The following UNC80 variants were observed in gnomAD, a reference collection of about 807,000 sequenced individuals.
UNC80 encodes protein unc-80 homolog.
UNC80 carries 164 observed loss-of-function variants against 384.6 expected under a neutral mutation model. That is an observed-to-expected ratio of 0.43 (90% CI 0.38 to 0.49). The LOEUF (loss-of-function observed/expected upper bound fraction) is 0.49, where lower values mean the gene tolerates loss of function less well. UNC80 is among the 20% of genes least tolerant of loss of function. The probability of loss-of-function intolerance (pLI) is 0.00; values close to 1 mark genes in which losing one functional copy is unlikely to be tolerated. For missense variants in UNC80, 3,330 were observed against 4,143.0 expected (o/e 0.80, Z 5.39); for synonymous variants, 1,486 against 1,527.8 (o/e 0.97, Z 0.64).
chr2:209,876,478 A>G (rs1199613312), intron 23 of UNC80, among the ~76,000 whole-genome samples: 1 of 152,212 alleles, frequency 6.6e-6, no homozygotes, highest in Middle Eastern at 3.2e-3. Flanking sequence ...TTATTTAGAC[A>G]TATAGTATTA....
In UNC80 at chr2:209,978,627, A is replaced by G; in HGVS notation, c.9037A>G (p.Thr3013Ala). 6.4e-7 allele frequency: 1 copy of G among 1,551,546 alleles called. No homozygotes were observed. The highest frequency in any genetic ancestry group is 8.7e-7 in the Non-Finnish European group (1 of 1,146,876). The change falls in exon 59 of 65, where the codon ACT becomes GCT. Residue 3013 changes from threonine (T) to alanine (A), a missense_variant. Around this residue, in one of 8 missense-constraint regions of UNC80, gnomAD observed 216 missense variants for 245.3 expected, o/e 0.88. Transcript: ENST00000673920. ...GTCCCGCTCTAACACGGGCACGGGC[A>G]CTGTCTGGGAGCAGGACAGTGAGCC... is the stretch of plus-strand genomic sequence containing the variant. ...TMSRSNTGTG[T>A]VWEQDSEPSQ...
In UNC80 at chr2:209,976,254, G is replaced by C; in HGVS notation, c.8723G>C (p.Arg2908Pro). ...TGGGATTTCCTCGACTTCATCGTGCGGACCCGAATACCCATCTTTGTGCTT... is the reference window on the plus strand; with the variant it reads ...TGGGATTTCCTCGACTTCATCGTGCCGACCCGAATACCCATCTTTGTGCTT... ...ALWDFLDFIV[R>P]TRIPIFVLLR... is the part of the protein sequence containing the mutation. Residue 2908 changes from arginine (R) to proline (P), a missense_variant, in exon 57 of 65, where the codon CGG (arginine) becomes CCG (proline). Physicochemically the swap from Arg to Pro is moderately radical, Grantham distance 103. Transcript: ENST00000673920. The surrounding 1 kb of genome is among the most constrained non-coding windows in gnomAD (Gnocchi z 4.3). 6.4e-7 allele frequency: 1 copy of C among 1,551,666 alleles called. No individual in the cohort carries two copies. The highest frequency in any genetic ancestry group is 8.7e-7 in the Non-Finnish European group (1 of 1,146,998).
rs73078959 is a variant in UNC80 at position 209,926,709 on chromosome 2, G to A, written c.5663-134G>A. The A allele has an allele frequency of 8.1e-3, 8,898 of 1,094,376 alleles. 550 individuals carry two copies. The African/African-American group carries it at 0.12, about 15-fold the overall frequency. The allele number at this position is 1,094,376 out of a possible 1,614,324, so 67.8% of individuals were successfully genotyped here. A position where few individuals can be genotyped will look rare whatever the true frequency, so the allele number is the denominator to read the frequency against. Reference sequence around the variant, plus strand: ...GAGGATCTCTTGAGCCCAAGAAGTCGAGGCTGCAGTGAGCAGTGATCATGC... The same window carrying A: ...GAGGATCTCTTGAGCCCAAGAAGTCAAGGCTGCAGTGAGCAGTGATCATGC... On this transcript the variant is annotated intron_variant, in intron 35 of 64. Coordinates refer to ENST00000673920, the MANE Select transcript of UNC80 (RefSeq NM_001371986.1).
intron 47 of UNC80, among the ~76,000 whole-genome samples, chr2:209,946,266 G>T (rs1379726520): frequency 3.3e-5 from 5 of 151,942 alleles, no homozygotes; most frequent in East Asian, 3.9e-4. Flanking sequence ...CTTTTTGGGA[G>T]GCTTGAGGCA....
At chr2:209,913,461 C>G (rs1422943373) in intron 30 of UNC80, among the ~76,000 whole-genome samples, 1 of 152,094 alleles carries the variant, frequency 6.6e-6, no homozygotes, top group Non-Finnish European at 1.5e-5. Context: ...AAACAGGATC[C>G]TTTAAAAATC....
At chr2:209,880,404 G>A (rs922341264) in intron 24 of UNC80, among the ~76,000 whole-genome samples, 1 of 152,192 alleles carries the variant, frequency 6.6e-6, no homozygotes, top group African/African-American at 2.4e-5. Flanking sequence ...CAGTAAGTAT[G>A]TCTTGTCTGT....
intron 36 of UNC80, among the ~76,000 whole-genome samples, chr2:209,928,695 C>G (rs922065331): frequency 1.3e-5 from 2 of 152,162 alleles, no homozygotes; most frequent in African/African-American, 4.8e-5. Flanking sequence ...AAAATTCTCT[C>G]TTCTAGCTAT....
At chr2:209,805,245 T>G (rs1187133164) in intron 7 of UNC80, among the ~76,000 whole-genome samples, 3 of 152,218 alleles carry the variant, frequency 2.0e-5, no homozygotes, top group African/African-American at 7.2e-5. Context: ...TAAGCAACTT[T>G]CTGTTACTAC....
intron 7 of UNC80, among the ~76,000 whole-genome samples, chr2:209,801,689 CT>C (rs56931388): frequency 1.7e-4 from 20 of 115,124 alleles, no homozygotes; most frequent in Non-Finnish European, 2.4e-4. Flanking sequence ...CCAACCCCTG[CT>C]TTTTTTTTTT....
chr2:209,823,994 T>A (rs2153828080), intron 13 of UNC80, among the ~76,000 whole-genome samples: 1 of 152,314 alleles, frequency 6.6e-6, no homozygotes, highest in African/African-American at 2.4e-5. Context: ...CAGTCAAAAC[T>A]TTATTTCATG....
At chr2:209,993,940 A>T in intron 63 of UNC80, 125 bp from the exon 64 acceptor site, 1 of 836,330 alleles carries the variant, frequency 1.2e-6, no homozygotes, top group Non-Finnish European at 1.8e-6. Flanking sequence ...CTCATTTATT[A>T]ATAAACCAGC....
Position 209,979,826 on chromosome 2 carries a change from T to A in UNC80, c.9118+1118T>A, listed in dbSNP as rs2093114577. On this transcript the variant is annotated intron_variant, in intron 59 of 64. Coordinates refer to ENST00000673920, the MANE Select transcript of UNC80 (RefSeq NM_001371986.1). ...AAAATTTAGATCTTCACTCAGAGGC[T>A]CTCCATACCAAACAACAACAAAAAG... 2.0e-5 allele frequency among the ~76,000 whole-genome samples: 3 copies of A among 152,162 alleles called. No homozygotes were observed. The South Asian group carries it at 6.2e-4, about 31-fold the overall frequency.
In UNC80 at chr2:209,839,567, A is replaced by AT. The variant is rs1210317085; in HGVS notation, c.3250+140dup. The AT allele has an allele frequency of 5.5e-6, 5 of 908,694 alleles. No homozygotes were observed. The highest frequency in any genetic ancestry group is 5.2e-5 in the Admixed American group (2 of 38,220). The allele number at this position is 908,694 out of a possible 1,614,324, so 56.3% of individuals were successfully genotyped here. A position where few individuals can be genotyped will look rare whatever the true frequency, so the allele number is the denominator to read the frequency against. On this transcript the variant is annotated intron_variant, in intron 19 of 64. Coordinates refer to ENST00000673920, the MANE Select transcript of UNC80 (RefSeq NM_001371986.1). The surrounding 1 kb of genome is among the most constrained non-coding windows in gnomAD (Gnocchi z 4.1). ...CTAGACTGACTTCATTCATTCATTC[A>AT]TTTAATTTTTCCCACAGTATTTTTC...
chr2:209,960,583 A>G (rs1193241882), intron 51 of UNC80, among the ~76,000 whole-genome samples: 6 of 152,190 alleles, frequency 3.9e-5, no homozygotes, highest in East Asian at 1.9e-4. Context: ...TAACGTTGCA[A>G]TTTCACAAAA....
chr2:209,792,282 T>A (rs1283918096), intron 6 of UNC80, among the ~76,000 whole-genome samples: 1 of 152,218 alleles, frequency 6.6e-6, no homozygotes, highest in African/African-American at 2.4e-5. Flanking sequence ...CCAGACTGGG[T>A]AAGCGAGACC....
rs1394782336 is a variant in UNC80 at position 209,834,946 on chromosome 2, G to A, written c.2977G>A (p.Val993Ile). Residue 993 changes from valine to isoleucine, a missense_variant, in exon 18 of 65, where the codon GTA becomes ATA. This residue lies in a region of UNC80 where 801 missense variants were observed against 950.8 expected (regional missense o/e 0.84). Transcript: ENST00000673920. ...EAGSIVDKGQ[V>I]SSAPEECRSF... ...GGGAAGCATTGTGGATAAAGGCCAG[G>A]TATCCTCTGCACCTGAGGAATGTCG... 5.2e-6 allele frequency: 8 copies of A among 1,551,018 alleles called. No homozygotes were observed. Among genetic ancestry groups the A allele is most frequent in the Non-Finnish European group, 7.0e-6 (8 of 1,146,480 alleles).
Position 209,999,068 on chromosome 2 carries a change from G to C in UNC80, c.*3473G>C, listed in dbSNP as rs1474918755. On this transcript the variant is annotated 3_prime_UTR_variant, in exon 65 of 65. Transcript: ENST00000673920. ...CTTTGAATTGTCACTGTGACCACAG[G>C]ATGAAAATCCTTTATTAGCCATTTT... 6.6e-6 allele frequency: 1 copy of C among 152,104 alleles called. No homozygotes were observed. Among genetic ancestry groups the C allele is most frequent in the Non-Finnish European group, 1.5e-5 (1 of 68,018 alleles). 9.4% of individuals were successfully genotyped at this position (152,104 alleles called of 1,614,324 possible).
chr2:209,809,917 A>G (rs1389054379), intron 7 of UNC80, among the ~76,000 whole-genome samples: 1 of 152,076 alleles, frequency 6.6e-6, no homozygotes, highest in African/African-American at 2.4e-5. Flanking sequence ...CTGTTTGGAT[A>G]CAGCTGTTTG....
chr2:209,921,048 G>A (rs564853201), intron 33 of UNC80, among the ~76,000 whole-genome samples: 7 of 151,962 alleles, frequency 4.6e-5, no homozygotes, highest in Non-Finnish European at 7.4e-5. Context: ...GGCTGGTCTC[G>A]AACTCCTCAC....
Sources: gnomAD v4.1 joint callset for allele counts (sites outside exome capture counted in the v4.1 genomes callset) on GRCh38, gnomAD v4.1.1 for gene constraint, gnomAD v4.1.1 regional missense constraint, Gnocchi (gnomAD v3.1) non-coding constraint, MANE v1.5 for transcripts, NCBI Gene and HGNC (gene_info 2026-07-23, HGNC 2026-07-21) for gene names.